WWOX: variants seen among roughly 807,000 people sequenced by gnomAD.
WWOX encodes WW domain containing oxidoreductase.
Under a neutral mutation model 46.2 loss-of-function variants are expected in WWOX, and 69 were observed. The observed-to-expected ratio is 1.49, with a 90% CI of 1.23 to 1.82. WWOX has a LOEUF of 1.82. Among genes scored for constraint, WWOX ranks in the 40% most tolerant of loss-of-function variants. The probability of loss-of-function intolerance (pLI) is 0.00; values close to 1 mark genes in which losing one functional copy is unlikely to be tolerated. For synonymous variants in WWOX, 359 were observed against 202.6 expected, an observed-to-expected ratio of 1.77 and a Z score of -6.56; for missense variants, 919 against 542.6, an observed-to-expected ratio of 1.69 and a Z score of -6.89.
At chr16:78,752,316 C>G (rs1467777054) in intron 8 of WWOX, among the ~76,000 whole-genome samples, 2 of 152,220 alleles carry the variant, frequency 1.3e-5, no homozygotes, top group Admixed American at 6.5e-5. Flanking sequence ...GACGGAGTCT[C>G]ACACTCTGTT....
chr16:79,032,942 C>G (rs910993930), intron 8 of WWOX, among the ~76,000 whole-genome samples: 2 of 151,320 alleles, frequency 1.3e-5, no homozygotes, highest in African/African-American at 4.8e-5. Flanking sequence ...TTGGTAGGCC[C>G]CAGTGTCTTT....
At chr16:78,419,821 TG>T (rs779451395) in intron 6 of WWOX, among the ~76,000 whole-genome samples, 1 of 152,020 alleles carries the variant, frequency 6.6e-6, no homozygotes, top group Non-Finnish European at 1.5e-5. Flanking sequence ...AAAGTGTTTG[TG>T]CTGCAAATGA....
chr16:79,150,240 G>A (rs1277977067), intron 8 of WWOX, among the ~76,000 whole-genome samples: 1 of 152,202 alleles, frequency 6.6e-6, no homozygotes, highest in Non-Finnish European at 1.5e-5. Flanking sequence ...CTGTCAAAGA[G>A]CAGCACTGAA....
intron 8 of WWOX, among the ~76,000 whole-genome samples, chr16:78,624,484 C>T (rs891343277): frequency 1.3e-5 from 2 of 152,118 alleles, no homozygotes; most frequent in African/African-American, 2.4e-5. Context: ...ATAAGAAAAC[C>T]ATTCAAATCT....
At chr16:78,378,429 C>T (rs374388816) in intron 5 of WWOX, among the ~76,000 whole-genome samples, 5 of 152,168 alleles carry the variant, frequency 3.3e-5, no homozygotes, top group Non-Finnish European at 1.5e-5. Context: ...TCAATGAAAG[C>T]AACTGTGTCC....
intron 8 of WWOX, chr16:78,895,833 A>C (rs1597119095): frequency 6.6e-6 from 1 of 152,230 alleles, no homozygotes. Context: ...ATCCGACTAT[A>C]TAAAGTCGAG....
chr16:78,378,463 C>T (rs540796720), intron 5 of WWOX, among the ~76,000 whole-genome samples: 12 of 152,226 alleles, frequency 7.9e-5, no homozygotes, highest in South Asian at 2.1e-4. Flanking sequence ...AGTGAAGATG[C>T]GATCACCCAT....
At chr16:78,647,828 G>A (rs1466048388) in intron 8 of WWOX, among the ~76,000 whole-genome samples, 1 of 152,222 alleles carries the variant, frequency 6.6e-6, no homozygotes, top group Non-Finnish European at 1.5e-5. Flanking sequence ...GTTATGTCAA[G>A]TGGAATATTT....
intron 8 of WWOX, among the ~76,000 whole-genome samples, chr16:78,942,247 T>G (rs1045815512): frequency 1.3e-5 from 2 of 152,156 alleles, no homozygotes; most frequent in Non-Finnish European, 2.9e-5. Flanking sequence ...GTAGGCTTCT[T>G]AAATAATTCT....
chr16:78,843,721 A>C (rs6420411), intron 8 of WWOX, among the ~76,000 whole-genome samples: 105,803 of 151,992 alleles, frequency 0.7, 37,126 homozygotes, highest in Middle Eastern at 0.76. Context: ...AAGTAAGTCC[A>C]CAAAACAAAG....
intron 8 of WWOX, among the ~76,000 whole-genome samples, chr16:78,954,998 C>G (rs2046135999): frequency 6.6e-6 from 1 of 152,062 alleles, no homozygotes; most frequent in Admixed American, 6.6e-5. Context: ...CTGTGTTGCC[C>G]AGGCTTATCT....
chr16:78,368,723 C>G (rs1405808056), intron 5 of WWOX, among the ~76,000 whole-genome samples: 2 of 152,196 alleles, frequency 1.3e-5, no homozygotes, highest in Non-Finnish European at 1.5e-5. Flanking sequence ...CTGGGTTGCT[C>G]TTTGCAACAC....
chr16:79,015,265 G>C (rs1451434496), intron 8 of WWOX, among the ~76,000 whole-genome samples: 1 of 152,166 alleles, frequency 6.6e-6, no homozygotes, highest in Non-Finnish European at 1.5e-5. Flanking sequence ...GAAAAAGCGA[G>C]ACAATGGGGT....
chr16:79,050,998 A>C (rs2048156221), intron 8 of WWOX, among the ~76,000 whole-genome samples: 1 of 152,200 alleles, frequency 6.6e-6, no homozygotes, highest in South Asian at 2.1e-4. Flanking sequence ...CACTGACCCA[A>C]ATCACACGTC....
At chr16:78,716,275 G>C (rs1353120008) in intron 8 of WWOX, among the ~76,000 whole-genome samples, 1 of 152,072 alleles carries the variant, frequency 6.6e-6, no homozygotes, top group Non-Finnish European at 1.5e-5. Context: ...ACTGCCAGAA[G>C]CTCCTGAAGG....
intron 6 of WWOX, among the ~76,000 whole-genome samples, chr16:78,395,959 G>T (rs1397334789): frequency 6.6e-6 from 1 of 152,128 alleles, no homozygotes; most frequent in Non-Finnish European, 1.5e-5. Context: ...GCCTGCTCTG[G>T]ATAAGTGAGG....
At position 79,211,817 on chromosome 16, in the gene WWOX, G is replaced by C. The variant is rs372346879; in HGVS notation, c.*21G>C. The C allele has an allele frequency of 6.2e-7, 1 of 1,613,636 alleles. No homozygotes were observed. The highest frequency in any genetic ancestry group is 1.7e-5 in the Admixed American group (1 of 59,990). On this transcript the variant is annotated 3_prime_UTR_variant, in exon 9 of 9. Transcript: ENST00000566780. ...GCTAAGTGGAGCTCAGAGCGGATGGGCACACACACCCGCCCTGTGTGTGTC... is the reference window on the plus strand; with the variant it reads ...GCTAAGTGGAGCTCAGAGCGGATGGCCACACACACCCGCCCTGTGTGTGTC...
intron 8 of WWOX, chr16:78,890,860 A>G (rs2044574565): frequency 6.6e-6 from 1 of 152,216 alleles, no homozygotes; most frequent in Non-Finnish European, 1.5e-5. Context: ...CATAGCTATT[A>G]TTATAAAGAC....
chr16:78,870,678 G>C (rs924589465), intron 8 of WWOX, among the ~76,000 whole-genome samples: 1 of 151,782 alleles, frequency 6.6e-6, no homozygotes, highest in African/African-American at 2.4e-5. Flanking sequence ...CTTGCCTCAC[G>C]GCAACCTCTG....
Sources: allele counts gnomAD v4.1 joint callset (sites outside exome capture counted in the v4.1 genomes callset), GRCh38; gene constraint gnomAD v4.1.1; transcripts MANE v1.5; gene names NCBI Gene and HGNC (gene_info 2026-07-23, HGNC 2026-07-21).